Variants in GPHN observed in about 807,000 individuals in gnomAD.
GPHN encodes gephyrin.
In GPHN, 17 loss-of-function variants were observed where a neutral mutation model predicts 95.5. That is an observed-to-expected ratio of 0.18 (90% CI 0.12 to 0.27). The LOEUF (loss-of-function observed/expected upper bound fraction) is 0.27. Among genes scored for constraint, GPHN ranks in the 10% least tolerant of loss-of-function variants. The probability of loss-of-function intolerance (pLI) is 1.00; values close to 1 mark genes in which losing one functional copy is unlikely to be tolerated. For synonymous variants in GPHN, 320 were observed against 322.5 expected, an observed-to-expected ratio of 0.99 and a Z score of 0.08; for missense variants, 660 against 978.1, an observed-to-expected ratio of 0.67 and a Z score of 4.34.
chr14:67,419,695 A>G, the GPHN span, among the ~76,000 whole-genome samples: 3 of 152,086 alleles, frequency 2.0e-5, no homozygotes, highest in Non-Finnish European at 2.9e-5. Flanking sequence ...CTAAAGATAC[A>G]AAAATTAGCC....
At chr14:66,784,747 A>G (rs1435260851) in intron 3 of GPHN, among the ~76,000 whole-genome samples, 2 of 152,198 alleles carry the variant, frequency 1.3e-5, no homozygotes, top group Admixed American at 6.5e-5. Flanking sequence ...TCAAAACGCT[A>G]TGAATAAAGG....
At chr14:66,597,492 A>C (rs898786468) in intron 1 of GPHN, among the ~76,000 whole-genome samples, 7 of 152,174 alleles carry the variant, frequency 4.6e-5, no homozygotes, top group Admixed American at 1.3e-4. Flanking sequence ...ATGTCATGAC[A>C]GTGCCCAGGC....
chr14:67,286,899 C>T, the GPHN span, among the ~76,000 whole-genome samples: 22,741 of 147,292 alleles, frequency 0.15, 3,318 homozygotes, highest in East Asian at 0.42. Context: ...TTGAATAATA[C>T]GTATTTGTGA....
chr14:67,191,474 C>G, the GPHN span, among the ~76,000 whole-genome samples: 3 of 152,328 alleles, frequency 2.0e-5, no homozygotes, highest in East Asian at 3.9e-4. Context: ...CCAACCAAGA[C>G]AGTGCAACAC....
rs149677868 is a variant in GPHN, at chr14:66,981,978, A to G, written c.963+16653A>G. Among the ~76,000 whole-genome samples, 114 of 152,268 alleles carry G rather than the reference A, an allele frequency of 7.5e-4. No individual in the cohort carries two copies. The East Asian group carries it at 0.019, about 26-fold the overall frequency. On this transcript the variant is annotated intron_variant, in intron 9 of 22. Coordinates refer to ENST00000478722, the MANE Select transcript of GPHN (RefSeq NM_020806.5). ...CAAAATATACAACATTTTCTAAAAC[A>G]TTTTCACTAAACATTTTGTAACTAA...
At chr14:67,419,542 G>A in the GPHN span, among the ~76,000 whole-genome samples, 3 of 152,224 alleles carry the variant, frequency 2.0e-5, no homozygotes, top group Non-Finnish European at 2.9e-5. Context: ...CTTCCCCAAA[G>A]AAAGCAGGGG....
the GPHN span, chr14:67,335,467 T>C: frequency 6.5e-5 from 10 of 152,672 alleles, no homozygotes; most frequent in East Asian, 1.9e-3. Flanking sequence ...AAGGAAGTTT[T>C]AGGTTGGTGC....
the GPHN span, among the ~76,000 whole-genome samples, chr14:67,321,711 G>T: frequency 6.6e-6 from 1 of 152,114 alleles, no homozygotes; most frequent in African/African-American, 2.4e-5. Context: ...GTCACATGAG[G>T]CCAGGGTAAC....
At chr14:67,078,918 T>A (rs2076591831) in intron 11 of GPHN, among the ~76,000 whole-genome samples, 1 of 152,106 alleles carries the variant, frequency 6.6e-6, no homozygotes, top group Admixed American at 6.6e-5. Context: ...CATGCTTTTC[T>A]CTTTGAGGAG....
intron 12 of GPHN, 82 bp from the exon 13 acceptor site, chr14:67,100,774 T>G: frequency 1.1e-6 from 1 of 915,258 alleles, no homozygotes; most frequent in Non-Finnish European, 1.8e-6. Flanking sequence ...TTGAGTCAAA[T>G]TTTAGAATTC....
At chr14:66,825,264 G>A (rs1043706173) in intron 4 of GPHN, among the ~76,000 whole-genome samples, 12 of 152,026 alleles carry the variant, frequency 7.9e-5, no homozygotes, top group African/African-American at 2.9e-4. Context: ...CACCACTTGT[G>A]ACATTGTTTC....
the GPHN span, chr14:67,722,842 G>A: frequency 1.2e-6 from 1 of 819,230 alleles, no homozygotes; most frequent in African/African-American, 1.7e-5. Context: ...AAGCAGGAAG[G>A]AAGGGGGTGT....
chr14:67,239,717 G>A, the GPHN span, among the ~76,000 whole-genome samples: 7 of 152,106 alleles, frequency 4.6e-5, no homozygotes, highest in Non-Finnish European at 8.8e-5. Context: ...TTAGCCGGGC[G>A]TGGTGGCTGG....
the GPHN span, chr14:67,337,586 A>G: frequency 6.6e-6 from 1 of 152,182 alleles, no homozygotes; most frequent in Non-Finnish European, 1.5e-5. Context: ...GTATTAATAA[A>G]GACAGTGTCA....
At chr14:66,510,296 G>A (rs966182311) in intron 1 of GPHN, among the ~76,000 whole-genome samples, 2 of 152,168 alleles carry the variant, frequency 1.3e-5, no homozygotes, top group Admixed American at 1.3e-4. Context: ...AAATATGTCA[G>A]TTGTCTGTGG....
At chr14:67,732,687 CT>C in the GPHN span, among the ~76,000 whole-genome samples, 1,056 of 152,266 alleles carry the variant, frequency 6.9e-3, 6 homozygotes, top group Admixed American at 0.01. Context: ...AGCCATTCTC[CT>C]GCATCAGCCT....
chr14:67,019,200 T>C (rs1385277263), intron 9 of GPHN, among the ~76,000 whole-genome samples: 2 of 152,216 alleles, frequency 1.3e-5, no homozygotes, highest in South Asian at 2.1e-4. Flanking sequence ...AATAGCTTTT[T>C]TGTTGTTTGC....
chr14:67,725,265 G>C, the GPHN span: 2 of 1,612,624 alleles, frequency 1.2e-6, no homozygotes, highest in Admixed American at 1.7e-5. Context: ...GTGAGGTCCT[G>C]ATGGGTAGGT....
At chr14:66,579,143 C>A (rs1346467018) in intron 1 of GPHN, among the ~76,000 whole-genome samples, 1 of 151,648 alleles carries the variant, frequency 6.6e-6, no homozygotes, top group Non-Finnish European at 1.5e-5. Context: ...TAGCCTGTTA[C>A]AACCGTAATA....
Sources: allele counts gnomAD v4.1 joint callset (sites outside exome capture counted in the v4.1 genomes callset), GRCh38; gene constraint gnomAD v4.1.1; transcripts MANE v1.5; gene names NCBI Gene and HGNC (gene_info 2026-07-23, HGNC 2026-07-21).